The following ANO1 variants were observed in gnomAD, a reference collection of about 807,000 sequenced individuals.
ANO1 encodes anoctamin 1.
Under a neutral mutation model 124.0 loss-of-function variants are expected in ANO1, and 59 were observed. That is an observed-to-expected ratio of 0.48 (90% CI 0.39 to 0.59). The LOEUF is 0.59. Among genes scored for constraint, ANO1 ranks in the 20% least tolerant of loss-of-function variants. The pLI, the probability that ANO1 is intolerant of heterozygous loss-of-function variation, is 0.00. For synonymous variants in ANO1, 529 were observed against 532.0 expected, an observed-to-expected ratio of 0.99 and a Z score of 0.08; for missense variants, 1,059 against 1,328.0, an observed-to-expected ratio of 0.80 and a Z score of 3.15.
intron 11 of ANO1, among the ~76,000 whole-genome samples, chr11:70,133,655 T>C (rs1013558219): frequency 6.6e-6 from 1 of 152,230 alleles, no homozygotes; most frequent in African/African-American, 2.4e-5. Context: ...GGAGGCTGCA[T>C]TCGGGGCTGG....
chr11:70,157,366 C>CAAA (rs529445782), intron 16 of ANO1, among the ~76,000 whole-genome samples: 39,941 of 97,370 alleles, frequency 0.41, 7,656 homozygotes, highest in East Asian at 0.51. Flanking sequence ...GACTCTGTCT[C>CAAA]AAAAAAAAAA....
intron 11 of ANO1, among the ~76,000 whole-genome samples, chr11:70,147,510 G>A (rs2047430343): frequency 2.0e-5 from 3 of 152,216 alleles, no homozygotes; most frequent in South Asian, 4.1e-4. Context: ...AGGTGTTTCA[G>A]CGATAGCCAT....
At chr11:70,183,654 T>A (rs1255668726) in intron 24 of ANO1, among the ~76,000 whole-genome samples, 1 of 152,108 alleles carries the variant, frequency 6.6e-6, no homozygotes, top group Non-Finnish European at 1.5e-5. Context: ...GGCTGCTTGT[T>A]CCCATGGGAA....
At chr11:69,997,989 C>T (rs181820260) in intron 1 of ANO1, among the ~76,000 whole-genome samples, 2 of 152,022 alleles carry the variant, frequency 1.3e-5, no homozygotes, top group Admixed American at 6.6e-5. Flanking sequence ...TATAGCAGTG[C>T]GAGAATGGCC....
At chr11:70,146,443 A>G (rs1045652284) in intron 11 of ANO1, among the ~76,000 whole-genome samples, 3 of 152,140 alleles carry the variant, frequency 2.0e-5, no homozygotes, top group East Asian at 1.9e-4. Flanking sequence ...CCGGAGCGGT[A>G]GTGGGGTGAG....
rs372892640 is a variant in ANO1, at chr11:70,161,171, C to T, written c.1589C>T (p.Thr530Met). 7 of 1,613,632 alleles carry T rather than the reference C, an allele frequency of 4.3e-6. No individual in the cohort carries two copies. The highest frequency in any genetic ancestry group is 5.9e-6 in the Non-Finnish European group (7 of 1,179,852). ...CTTTCCCCCCTGCAGATTGCAGTGA[C>T]GTTTGCCATCGTCCTCGGCGTCATC... is the stretch of plus-strand genomic sequence containing the variant. ...LVSIIFMIAV[T>M]FAIVLGVIIY... The change falls in exon 17 of 26, where the codon ACG (threonine) becomes ATG (methionine). Residue 530 changes from threonine to methionine, a missense_variant. Thr to Met is a moderately conservative substitution (Grantham distance 81). This residue lies in a region of ANO1 where 809 missense variants were observed against 1,094.9 expected (regional missense o/e 0.74). Transcript: ENST00000355303.
chr11:70,174,380 A>G (rs1003204487), intron 22 of ANO1, among the ~76,000 whole-genome samples: 1 of 151,890 alleles, frequency 6.6e-6, no homozygotes, highest in African/African-American at 2.4e-5. Context: ...TGGGCAACAC[A>G]GCGAGACTCC....
chr11:70,155,773 C>T (rs1189006097), intron 14 of ANO1, 138 bp from the exon 15 acceptor site: 4 of 701,766 alleles, frequency 5.7e-6, no homozygotes, highest in African/African-American at 1.9e-5. Context: ...CCCGAGTCAG[C>T]CTTGGCAGTG....
chr11:70,124,938 C>T (rs2046432802), intron 9 of ANO1, among the ~76,000 whole-genome samples: 1 of 152,200 alleles, frequency 6.6e-6, no homozygotes, highest in East Asian at 1.9e-4. Flanking sequence ...CTTTCCAGTC[C>T]TTATGCTGAA....
chr11:70,122,922 A>T (rs188981074), intron 8 of ANO1, among the ~76,000 whole-genome samples: 1 of 152,250 alleles, frequency 6.6e-6, no homozygotes, highest in East Asian at 1.9e-4. Context: ...GCTCCGCTTC[A>T]TCAAGGTTTG....
intron 4 of ANO1, 80 bp downstream of exon 4, chr11:70,104,230 G>C (rs2045398238): frequency 7.0e-7 from 1 of 1,438,440 alleles, no homozygotes; most frequent in African/African-American, 1.5e-5. Flanking sequence ...AATGCAGATT[G>C]ATTATCTGTC....
intron 1 of ANO1, among the ~76,000 whole-genome samples, chr11:70,001,645 G>T (rs2375283): frequency 0.49 from 74,065 of 152,080 alleles, 19,315 homozygotes; most frequent in East Asian, 0.89. Flanking sequence ...ATAGAAACCA[G>T]AAGAGTGCCC....
chr11:70,096,793 G>A (rs1461235669), intron 2 of ANO1, among the ~76,000 whole-genome samples: 2 of 152,076 alleles, frequency 1.3e-5, no homozygotes, highest in Non-Finnish European at 2.9e-5. Flanking sequence ...CCTGGGAGGC[G>A]GAGATTGCAG....
intron 2 of ANO1, among the ~76,000 whole-genome samples, chr11:70,092,000 A>G (rs2044647131): frequency 6.6e-6 from 1 of 152,188 alleles, no homozygotes; most frequent in South Asian, 2.1e-4. Context: ...ATGCTGTCAT[A>G]GCTTTGGAGG....
Position 70,078,630 on chromosome 11 carries a change from G to A in ANO1, c.24G>A (p.Ser8=). 1 of 1,499,682 alleles carries A rather than the reference G, an allele frequency of 6.7e-7. No homozygotes were observed. The highest frequency in any genetic ancestry group is 9.0e-7 in the Non-Finnish European group (1 of 1,115,038). The allele number at this position is 1,499,682 out of a possible 1,614,324, so 92.9% of individuals were successfully genotyped here. ...CGATGAGGGTCAACGAGAAGTACTC[G>A]ACGCTCCCGGCCGAGGACCGCAGCG... The part of the protein sequence containing the change: MRVNEKY[S]TLPAEDRSVH... Residue 8 remains serine, a synonymous_variant, in exon 1 of 26, where the codon TCG becomes TCA. Transcript: ENST00000355303.
At chr11:70,183,357 T>C (rs1388197090) in intron 24 of ANO1, among the ~76,000 whole-genome samples, 1 of 152,226 alleles carries the variant, frequency 6.6e-6, no homozygotes, top group Non-Finnish European at 1.5e-5. Context: ...GGGAAGACCT[T>C]CTGTTTCCCA....
intron 1 of ANO1, among the ~76,000 whole-genome samples, chr11:70,008,223 T>C (rs1555000418): frequency 6.6e-6 from 1 of 152,210 alleles, no homozygotes; most frequent in East Asian, 1.9e-4. Flanking sequence ...TTTCACTCTG[T>C]TTATTTCCTT....
chr11:70,090,855 C>T (rs1477848494), intron 2 of ANO1, among the ~76,000 whole-genome samples: 1 of 152,162 alleles, frequency 6.6e-6, no homozygotes, highest in Non-Finnish European at 1.5e-5. Flanking sequence ...TAAGATGAAA[C>T]CGTGATTGTG....
the ANO1 span, among the ~76,000 whole-genome samples, chr11:69,973,736 G>A: frequency 2.0e-5 from 3 of 151,836 alleles, no homozygotes; most frequent in African/African-American, 7.3e-5. Context: ...GCCGGGCGTG[G>A]TGGTGCGTGC....
Sources: allele counts gnomAD v4.1 joint callset (sites outside exome capture counted in the v4.1 genomes callset), GRCh38; gene constraint gnomAD v4.1.1; regional missense constraint gnomAD v4.1.1; transcripts MANE v1.5; gene names NCBI Gene and HGNC (gene_info 2026-07-23, HGNC 2026-07-21).